Variants in ITPK1 observed in about 807,000 individuals in gnomAD.
ITPK1 encodes inositol 1,3,4-trisphosphate 5/6-kinase.
ITPK1 carries 21 observed loss-of-function variants against 45.3 expected under a neutral mutation model. The observed-to-expected ratio is 0.46, with a 90% CI of 0.33 to 0.67. The LOEUF is 0.67. ITPK1 is among the 30% of genes least tolerant of loss of function. ITPK1 has a pLI of 0.02. For missense variants in ITPK1, 474 were observed against 573.5 expected, an observed-to-expected ratio of 0.83 and a Z score of 1.77; for synonymous variants, 258 against 253.6, an observed-to-expected ratio of 1.02 and a Z score of -0.16.
chr14:93,107,793 C>T (rs916198937), intron 2 of ITPK1, among the ~76,000 whole-genome samples: 2 of 152,222 alleles, frequency 1.3e-5, no homozygotes, highest in Admixed American at 6.5e-5. Flanking sequence ...AGGGGCCATC[C>T]AGAGGATGGG....
At chr14:92,955,123 A>AGG (rs1884629742) in intron 8 of ITPK1, among the ~76,000 whole-genome samples, 1 of 152,208 alleles carries the variant, frequency 6.6e-6, no homozygotes, top group African/African-American at 2.4e-5. Context: ...GGCTCTGGAG[A>AGG]GGAGCTCAGC....
At chr14:93,061,168 C>G (rs1241581002) in intron 3 of ITPK1, among the ~76,000 whole-genome samples, 1 of 152,234 alleles carries the variant, frequency 6.6e-6, no homozygotes, top group Non-Finnish European at 1.5e-5. Context: ...GACTCCTAAC[C>G]CTCCACCACT....
At chr14:92,959,020 G>A (rs1003524952) in intron 7 of ITPK1, among the ~76,000 whole-genome samples, 3 of 152,138 alleles carry the variant, frequency 2.0e-5, no homozygotes, top group East Asian at 1.9e-4. Context: ...GCACCCAGCC[G>A]CGCCCCTACA....
chr14:92,968,319 G>A (rs1885479811), intron 5 of ITPK1, among the ~76,000 whole-genome samples: 1 of 151,882 alleles, frequency 6.6e-6, no homozygotes, highest in Non-Finnish European at 1.5e-5. Flanking sequence ...AACAGAGCGA[G>A]ACTCTGTCTC....
intron 3 of ITPK1, among the ~76,000 whole-genome samples, chr14:93,075,178 C>T (rs1244988755): frequency 2.6e-5 from 4 of 151,618 alleles, no homozygotes; most frequent in African/African-American, 7.3e-5. Context: ...AACACAAAAA[C>T]CAGCTGGGTG....
At chr14:93,001,882 G>A (rs879573073) in intron 4 of ITPK1, among the ~76,000 whole-genome samples, 5 of 152,172 alleles carry the variant, frequency 3.3e-5, no homozygotes, top group Non-Finnish European at 7.4e-5. Context: ...AACCCTGGAA[G>A]TCTCTGGTTC....
intron 3 of ITPK1, among the ~76,000 whole-genome samples, chr14:93,019,172 C>T (rs753497548): frequency 3.3e-5 from 5 of 152,170 alleles, no homozygotes; most frequent in Non-Finnish European, 7.4e-5. Flanking sequence ...CAGCTACGAG[C>T]GCAGGGGGAG....
At position 93,016,605 on chromosome 14, in the gene ITPK1, A is replaced by C; in HGVS notation, c.246+71T>G. The C allele has an allele frequency of 6.4e-7, 1 of 1,554,338 alleles. No homozygotes were observed. The highest frequency in any genetic ancestry group is 8.8e-7 in the Non-Finnish European group (1 of 1,134,036). On this transcript the variant is annotated intron_variant, in intron 4 of 10. Transcript: ENST00000267615. The surrounding 1 kb of genome is among the most constrained non-coding windows in gnomAD (Gnocchi z 5.0). Reference sequence around the variant, plus strand: ...AGCTGCTACCGCCCTAAATACACACACGGCCATTCCAGGGCCTCCCCTCCT... The same window carrying C: ...AGCTGCTACCGCCCTAAATACACACCCGGCCATTCCAGGGCCTCCCCTCCT...
At chr14:93,001,091 G>C (rs1436173990) in intron 4 of ITPK1, among the ~76,000 whole-genome samples, 1 of 150,896 alleles carries the variant, frequency 6.6e-6, no homozygotes, top group Non-Finnish European at 1.5e-5. Flanking sequence ...CAGCCAGTTA[G>C]AGACCAGCCT....
intron 3 of ITPK1, among the ~76,000 whole-genome samples, chr14:93,019,858 G>A (rs1888380804): frequency 1.3e-5 from 2 of 152,158 alleles, no homozygotes; most frequent in South Asian, 2.1e-4. Context: ...GATGCGATGG[G>A]GACAGGAACT....
rs1399839629 is a variant in ITPK1 at position 93,063,290 on chromosome 14, C to T, written c.120+13305G>A. ...CCAAGCCAGGACCCACACCCTCCTG[C>T]CCAGGGACCCCTGGTCCCCCACCCA... On this transcript the variant is annotated intron_variant, in intron 3 of 10. Transcript: ENST00000267615. This position sits in a 1 kb window ranked among gnomAD's most constrained non-coding sequence, Gnocchi z 4.3. Among the ~76,000 whole-genome samples the T allele has an allele frequency of 6.6e-6, 1 of 152,216 alleles. No individual in the cohort carries two copies. The highest frequency in any genetic ancestry group is 2.4e-5 in the African/African-American group (1 of 41,456).
intron 9 of ITPK1, among the ~76,000 whole-genome samples, chr14:92,950,391 A>C (rs895676014): frequency 6.6e-6 from 1 of 152,232 alleles, no homozygotes; most frequent in Admixed American, 6.5e-5. Flanking sequence ...GGCGTCCAGG[A>C]GGGGCTGATG....
intron 5 of ITPK1, among the ~76,000 whole-genome samples, chr14:92,975,634 A>G (rs1885902370): frequency 1.3e-5 from 2 of 152,164 alleles, no homozygotes; most frequent in African/African-American, 4.8e-5. Flanking sequence ...ACTTTCCCCA[A>G]TGTGGGTGGA....
intron 5 of ITPK1, among the ~76,000 whole-genome samples, chr14:92,969,094 G>C (rs543571577): frequency 6.6e-6 from 1 of 152,250 alleles, no homozygotes; most frequent in East Asian, 1.9e-4. Context: ...TGAAGTGAGA[G>C]TAAATAAGAA....
intron 2 of ITPK1, among the ~76,000 whole-genome samples, chr14:93,083,147 T>C (rs1338644186): frequency 6.6e-6 from 1 of 152,052 alleles, no homozygotes. Flanking sequence ...CAGAGACACG[T>C]CCACGGCATC....
At position 93,076,483 on chromosome 14, in the gene ITPK1, G is replaced by A. The variant is rs112324786; in HGVS notation, c.120+112C>T. The stretch of plus-strand genomic sequence containing the variant: ...CAGGGGAGCTAAAAACAAGCTGCAC[G>A]TGAAGAAGAGAGAAAGCCGTGCCCA... On this transcript the variant is annotated intron_variant, in intron 3 of 10. Coordinates refer to ENST00000267615, the MANE Select transcript of ITPK1 (RefSeq NM_014216.6). This position sits in a 1 kb window ranked among gnomAD's most constrained non-coding sequence, Gnocchi z 4.3. The A allele has an allele frequency of 3.7e-3, 4,629 of 1,249,248 alleles. 136 individuals are homozygous for A. The African/African-American group carries it at 0.058, about 16-fold the overall frequency. 77.4% of individuals were successfully genotyped at this position (1,249,248 alleles called of 1,614,324 possible). A position where few individuals can be genotyped will look rare whatever the true frequency, so the allele number is the denominator to read the frequency against.
chr14:92,999,387 A>C (rs1425954136), intron 4 of ITPK1, among the ~76,000 whole-genome samples: 1 of 152,228 alleles, frequency 6.6e-6, no homozygotes, highest in East Asian at 1.9e-4. Context: ...CCGTCCTAAC[A>C]GCTTGCTCCT....
intron 5 of ITPK1, among the ~76,000 whole-genome samples, chr14:92,993,250 T>C (rs1886880301): frequency 6.6e-6 from 1 of 152,242 alleles, no homozygotes; most frequent in African/African-American, 2.4e-5. Context: ...AGCAGTGAAC[T>C]AGGAGGTTAC....
rs1362363586 is a variant in ITPK1 at position 92,941,715 on chromosome 14, C to T, written c.1091G>A (p.Ser364Asn). 9 of 1,576,484 alleles carry T rather than the reference C, an allele frequency of 5.7e-6. No individual in the cohort carries two copies. Among genetic ancestry groups the T allele is most frequent in the Non-Finnish European group, 7.7e-6 (9 of 1,163,534 alleles). Residue 364 changes from serine to asparagine, a missense_variant, in exon 11 of 11, where the codon AGC (serine) becomes AAC (asparagine). By Grantham distance (46) the Ser-to-Asn change is conservative. Transcript: ENST00000267615. ...TCSASPGCCG[S>N]MMGQDAPWKA... ...CCAGGGCGCGTCCTGGCCCATCATG[C>T]TGCCGCAGCAGCCGGGGCTGGCGCT...
Sources: gnomAD v4.1 joint callset for allele counts (sites outside exome capture counted in the v4.1 genomes callset) on GRCh38, gnomAD v4.1.1 for gene constraint, Gnocchi (gnomAD v3.1) non-coding constraint, MANE v1.5 for transcripts, NCBI Gene and HGNC (gene_info 2026-07-23, HGNC 2026-07-21) for gene names.